Variants in CCDC191 observed in about 807,000 individuals in gnomAD.
CCDC191 encodes coiled-coil domain containing 191, also known as coiled-coil domain-containing protein 191.
A neutral mutation model predicts 114.0 loss-of-function variants in CCDC191; 99 were observed. The ratio of observed to expected loss-of-function variants is 0.87; its 90% confidence interval spans 0.74 to 1.03. The LOEUF is 1.03. Among genes scored for constraint, CCDC191 ranks in the 50% least tolerant of loss-of-function variants. The probability of loss-of-function intolerance (pLI) is 0.00; values close to 1 mark genes in which losing one functional copy is unlikely to be tolerated. For synonymous variants in CCDC191, 351 were observed against 376.0 expected (o/e 0.93, Z 0.77); for missense variants, 973 against 1,087.0 (o/e 0.90, Z 1.47).
chr3:114,045,826 G>A (rs1452378418), intron 3 of CCDC191, among the ~76,000 whole-genome samples: 1 of 152,070 alleles, frequency 6.6e-6, no homozygotes. Flanking sequence ...GCTGACTCAG[G>A]TCTGAACTTG....
At position 114,005,843 on chromosome 3, in the gene CCDC191, A is replaced by G. The variant is rs2075947584; in HGVS notation, c.1533T>C (p.Ser511=). The G allele has an allele frequency of 1.9e-6, 3 of 1,614,030 alleles. No homozygotes were observed. Among genetic ancestry groups the G allele is most frequent in the Non-Finnish European group, 2.5e-6 (3 of 1,179,984 alleles). ...GNLQGSLQNV[S]LSAPGNKQHK... ...GCTGCTTATTGCCAGGTGCACTCAG[A>G]GAGACATTCTGAAGGGAACCCTGCA... The change falls in exon 10 of 17, where the codon TCT becomes TCC. Residue 511 remains serine, a synonymous_variant. Transcript: ENST00000295878.
rs1179740359 is a variant in CCDC191, at chr3:114,005,933, C to T, written c.1443G>A (p.Lys481=). The T allele has an allele frequency of 1.4e-5, 22 of 1,613,906 alleles. No homozygotes were observed. The highest frequency in any genetic ancestry group is 1.8e-5 in the Non-Finnish European group (21 of 1,179,960). ...QETAVPPLWE[K]PPLGSSGCML... Reference sequence around the variant, plus strand: ...TACAACCACTGCTTCCCAAGGGAGGCTTTTCCCACAAAGGGGGCACAGCAG... The same window carrying T: ...TACAACCACTGCTTCCCAAGGGAGGTTTTTCCCACAAAGGGGGCACAGCAG... The change falls in exon 10 of 17, where the codon AAG becomes AAA. Residue 481 remains lysine (K), a synonymous_variant. Transcript: ENST00000295878.
chr3:113,995,630 G>T (rs761356799), intron 13 of CCDC191, among the ~76,000 whole-genome samples: 1 of 152,168 alleles, frequency 6.6e-6, no homozygotes, highest in Non-Finnish European at 1.5e-5. Flanking sequence ...GTATCGCTTT[G>T]GGTATATACC....
At chr3:114,000,376 A>G (rs1277341051) in intron 13 of CCDC191, among the ~76,000 whole-genome samples, 1 of 152,134 alleles carries the variant, frequency 6.6e-6, no homozygotes, top group African/African-American at 2.4e-5. Context: ...AACTCCCCTG[A>G]TTCTGAGCCT....
intron 8 of CCDC191, 84 bp from the exon 9 acceptor site, chr3:114,011,105 AG>A (rs1291279829): frequency 1.1e-5 from 16 of 1,426,708 alleles, no homozygotes; most frequent in South Asian, 4.1e-5. Context: ...TAAGTCCAAA[AG>A]GGTTCTAGAA....
intron 3 of CCDC191, among the ~76,000 whole-genome samples, chr3:114,046,042 G>C (rs1252324515): frequency 6.6e-6 from 1 of 152,164 alleles, no homozygotes; most frequent in Admixed American, 6.5e-5. Context: ...AATGGAAGTT[G>C]GCTTGTAGGA....
At chr3:114,028,933 TATAC>T (rs1250392517) in intron 7 of CCDC191, among the ~76,000 whole-genome samples, 3 of 151,002 alleles carry the variant, frequency 2.0e-5, no homozygotes, top group African/African-American at 2.4e-5. Context: ...TGTATGTTAG[TATAC>T]ATACATACAT....
chr3:113,992,012 GAA>G (rs2075584202), intron 13 of CCDC191, among the ~76,000 whole-genome samples: 1 of 151,982 alleles, frequency 6.6e-6, no homozygotes, highest in African/African-American at 2.4e-5. Flanking sequence ...TATAAATAGA[GAA>G]AAGACATTAG....
At chr3:114,034,823 A>G in intron 6 of CCDC191, 102 bp downstream of exon 6, 4 of 909,092 alleles carry the variant, frequency 4.4e-6, no homozygotes, top group Non-Finnish European at 6.9e-6. Flanking sequence ...TTTCTCTTCT[A>G]TGTTTTGTTA....
At chr3:114,002,571 T>C in intron 11 of CCDC191, 33 bp from the exon 12 acceptor site, 1 of 1,527,112 alleles carries the variant, frequency 6.5e-7, no homozygotes, top group Non-Finnish European at 8.9e-7. Flanking sequence ...TAATATTTTT[T>C]ATATTGAAAA....
chr3:114,027,478 G>A (rs1385675633), intron 7 of CCDC191, among the ~76,000 whole-genome samples: 3 of 151,900 alleles, frequency 2.0e-5, no homozygotes, highest in African/African-American at 7.3e-5. Context: ...GCTGGGTGTG[G>A]TGGCGTGTGC....
At chr3:114,023,724 TA>T (rs550137742) in intron 7 of CCDC191, among the ~76,000 whole-genome samples, 95 of 152,256 alleles carry the variant, frequency 6.2e-4, no homozygotes, top group African/African-American at 2.3e-3. Flanking sequence ...ATTAAAGACT[TA>T]AATGTTAGAC....
At position 114,046,670 on chromosome 3, in the gene CCDC191, T is replaced by C. The variant is rs2107756156; in HGVS notation, c.192A>G (p.Leu64=). 6.2e-7 allele frequency: 1 copy of C among 1,612,638 alleles called. No homozygotes were observed. Among genetic ancestry groups the C allele is most frequent in the African/African-American group, 1.3e-5 (1 of 75,004 alleles). Residue 64 remains leucine (L), a synonymous_variant, in exon 3 of 17, where the codon TTA becomes TTG. Transcript: ENST00000295878. ...SNAFFTRNSD[L]PRSPWGQITD... is the part of the protein sequence containing the mutation. ...TGATTTGGCCCCAGGGACTTCTAGG[T>C]AAATCTGAATTTCTAGTAAAAAATG...
chr3:113,976,347 C>CAAGA (rs1941347397), intron 16 of CCDC191, among the ~76,000 whole-genome samples: 1 of 151,562 alleles, frequency 6.6e-6, no homozygotes, highest in African/African-American at 2.4e-5. Context: ...ACTGATGTAG[C>CAAGA]AAGAAGAGAA....
At chr3:114,047,091 C>T (rs1201239774) in intron 2 of CCDC191, 1 of 976,422 alleles carries the variant, frequency 1.0e-6, no homozygotes, top group Admixed American at 6.2e-5. Context: ...GTTTTCATGC[C>T]CTTAGGACTT....
rs553426880 is a variant in CCDC191, at chr3:114,004,972, C to T, written c.1869-226G>A. ...AGGTACTGTGACTCCCATCCTAATGCTTCAAATCCATAGGTGTCACCACAT... is the reference window on the plus strand; with the variant it reads ...AGGTACTGTGACTCCCATCCTAATGTTTCAAATCCATAGGTGTCACCACAT... On this transcript the variant is annotated intron_variant, in intron 10 of 16. Coordinates refer to ENST00000295878, the MANE Select transcript of CCDC191 (RefSeq NM_020817.2). Among the ~76,000 whole-genome samples, 5 of 152,284 alleles carry T rather than the reference C, an allele frequency of 3.3e-5. No homozygotes were observed. In the South Asian group the frequency reaches 1.0e-3, roughly 32 times the overall value.
chr3:113,995,344 T>C (rs1274336627), intron 13 of CCDC191, among the ~76,000 whole-genome samples: 2 of 152,206 alleles, frequency 1.3e-5, no homozygotes, highest in African/African-American at 2.4e-5. Flanking sequence ...ACAGAGGAAG[T>C]TGTAACATGA....
chr3:113,978,141 A>G, intron 16 of CCDC191, 45 bp downstream of exon 16: 1 of 1,606,240 alleles, frequency 6.2e-7, no homozygotes. Context: ...TTGCTGAGCA[A>G]TTGTGAAGTC....
In CCDC191 at chr3:113,974,614, C is replaced by T. The variant is rs531212248; in HGVS notation, c.2606+3572G>A. ...GGATTAAGGTATGAGCCACCACGCCCGGCCAACTCGCTGTTGTTTCTTGTG... is the reference window on the plus strand; with the variant it reads ...GGATTAAGGTATGAGCCACCACGCCTGGCCAACTCGCTGTTGTTTCTTGTG... On this transcript the variant is annotated intron_variant, in intron 16 of 16. Coordinates refer to ENST00000295878, the MANE Select transcript of CCDC191 (RefSeq NM_020817.2). Among the ~76,000 whole-genome samples, 23 of 152,228 alleles carry T rather than the reference C, an allele frequency of 1.5e-4. 1 individual carries two copies. Among genetic ancestry groups the T allele is most frequent in the South Asian group, 6.2e-4 (3 of 4,814 alleles).
Sources: allele counts gnomAD v4.1 joint callset (sites outside exome capture counted in the v4.1 genomes callset), GRCh38; gene constraint gnomAD v4.1.1; transcripts MANE v1.5; gene names NCBI Gene and HGNC (gene_info 2026-07-23, HGNC 2026-07-21).